HPSE2: variants seen among roughly 807,000 people sequenced by gnomAD.
HPSE2 encodes the protein inactive heparanase-2.
HPSE2 carries 38 observed loss-of-function variants against 60.5 expected under a neutral mutation model. The ratio of observed to expected loss-of-function variants is 0.63; its 90% CI spans 0.48 to 0.82. The LOEUF (loss-of-function observed/expected upper bound fraction) is 0.82, where lower values mean the gene tolerates loss of function less well. HPSE2 is among the 40% of genes least tolerant of loss of function. HPSE2 has a pLI of 0.00. For missense variants in HPSE2, 713 were observed against 740.4 expected, an observed-to-expected ratio of 0.96 and a Z score of 0.43; for synonymous variants, 295 against 293.2, an observed-to-expected ratio of 1.01 and a Z score of -0.06.
intron 8 of HPSE2, among the ~76,000 whole-genome samples, chr10:98,617,727 T>C (rs1405081802): frequency 6.6e-6 from 1 of 152,188 alleles, no homozygotes; most frequent in Non-Finnish European, 1.5e-5. Context: ...TAACCAAAGA[T>C]GCTACCCTGC....
At chr10:98,823,030 A>G (rs1951459928) in intron 3 of HPSE2, among the ~76,000 whole-genome samples, 2 of 152,182 alleles carry the variant, frequency 1.3e-5, no homozygotes, top group African/African-American at 4.8e-5. Flanking sequence ...ATAGGAGGCA[A>G]TGTGACAAAA....
At chr10:99,181,397 C>CAAAAAAAAAAAAAAAA (rs58049545) in intron 2 of HPSE2, among the ~76,000 whole-genome samples, 12 of 104,766 alleles carry the variant, frequency 1.1e-4, no homozygotes, top group African/African-American at 4.3e-4. Flanking sequence ...GACTCCGTCT[C>CAAAAAAAAAAAAAAAA]AAAAAAAAAA....
chr10:99,117,444 A>C (rs1243550651), intron 3 of HPSE2, among the ~76,000 whole-genome samples: 1 of 139,868 alleles, frequency 7.1e-6, no homozygotes, highest in Non-Finnish European at 1.6e-5. Flanking sequence ...AAAAAAAAAA[A>C]AAAAACTAAT....
At chr10:99,161,542 A>T (rs1846846638) in intron 2 of HPSE2, among the ~76,000 whole-genome samples, 1 of 152,204 alleles carries the variant, frequency 6.6e-6, no homozygotes, top group Non-Finnish European at 1.5e-5. Flanking sequence ...TGGTTTTCTA[A>T]GGCTGGGATG....
chr10:98,517,960 C>T (rs1942657173), intron 9 of HPSE2, among the ~76,000 whole-genome samples: 1 of 152,216 alleles, frequency 6.6e-6, no homozygotes, highest in Non-Finnish European at 1.5e-5. Flanking sequence ...TCCTTCAATG[C>T]TTGATTATTA....
intron 2 of HPSE2, among the ~76,000 whole-genome samples, chr10:99,167,464 G>A (rs1847128972): frequency 6.6e-6 from 1 of 152,198 alleles, no homozygotes; most frequent in Non-Finnish European, 1.5e-5. Context: ...AATGTAGCAA[G>A]GTTTATCTTT....
chr10:98,715,309 T>C (rs1948764603), intron 5 of HPSE2, among the ~76,000 whole-genome samples: 1 of 152,038 alleles, frequency 6.6e-6, no homozygotes. Context: ...TTCAAAATGA[T>C]CTTTTTGTAC....
intron 5 of HPSE2, among the ~76,000 whole-genome samples, chr10:98,719,861 C>G (rs1164757208): frequency 6.6e-6 from 1 of 151,834 alleles, no homozygotes; most frequent in Non-Finnish European, 1.5e-5. Context: ...ATTAGCCAGG[C>G]ATGGTGGCAC....
intron 2 of HPSE2, among the ~76,000 whole-genome samples, chr10:99,180,653 G>A (rs1589783828): frequency 1.3e-5 from 2 of 152,064 alleles, no homozygotes; most frequent in Admixed American, 6.6e-5. Context: ...GGGAGGCTGA[G>A]GTGGGTGGAT....
At chr10:98,752,183 T>C (rs1051048210) in intron 3 of HPSE2, among the ~76,000 whole-genome samples, 2 of 152,032 alleles carry the variant, frequency 1.3e-5, no homozygotes, top group African/African-American at 2.4e-5. Flanking sequence ...ATAAACACTA[T>C]TATGAAAAGG....
At chr10:99,011,817 C>A (rs1957024208) in intron 3 of HPSE2, among the ~76,000 whole-genome samples, 2 of 149,290 alleles carry the variant, frequency 1.3e-5, no homozygotes, top group African/African-American at 4.9e-5. Flanking sequence ...CAAGTTACTT[C>A]TTTGTACAAA....
At chr10:98,543,720 A>G (rs985215360) in intron 9 of HPSE2, among the ~76,000 whole-genome samples, 9 of 152,114 alleles carry the variant, frequency 5.9e-5, no homozygotes, top group Non-Finnish European at 5.9e-5. Flanking sequence ...CAAAGATCAA[A>G]AGAGACAAAG....
At chr10:99,301,936 C>T in the HPSE2 span, among the ~76,000 whole-genome samples, 1 of 151,644 alleles carries the variant, frequency 6.6e-6, no homozygotes, top group African/African-American at 2.4e-5. Context: ...ACCTTGTTAC[C>T]AAAGTTCATG....
Position 98,476,188 on chromosome 10 carries a change from T to C in HPSE2, c.1613+6448A>G, listed in dbSNP as rs1333118254. Among the ~76,000 whole-genome samples, 29 of 150,630 alleles carry C rather than the reference T, an allele frequency of 1.9e-4. No homozygotes were observed. The South Asian group carries it at 4.6e-3, about 24-fold the overall frequency. On this transcript the variant is annotated intron_variant, in intron 11 of 11. Transcript: ENST00000370552. Reference sequence around the variant, plus strand: ...GTCCTTTGTAGGGACATGGATGAAATTGGAAATCATCATTCTCAGTAAACT... The same window carrying C: ...GTCCTTTGTAGGGACATGGATGAAACTGGAAATCATCATTCTCAGTAAACT...
chr10:99,091,307 A>G (rs1464697606), intron 3 of HPSE2, among the ~76,000 whole-genome samples: 1 of 152,166 alleles, frequency 6.6e-6, no homozygotes, highest in East Asian at 1.9e-4. Flanking sequence ...TAGCACAGAG[A>G]AGTGTACCCA....
intron 5 of HPSE2, among the ~76,000 whole-genome samples, chr10:98,703,779 T>C (rs1314169439): frequency 2.6e-5 from 4 of 151,942 alleles, no homozygotes; most frequent in Non-Finnish European, 4.4e-5. Context: ...CTCAAAATAA[T>C]GAGCTATGTG....
the HPSE2 span, among the ~76,000 whole-genome samples, chr10:99,288,402 G>T: frequency 6.6e-6 from 1 of 151,966 alleles, no homozygotes; most frequent in Non-Finnish European, 1.5e-5. Flanking sequence ...AAGCAACTAG[G>T]TATCTTGAAG....
intron 3 of HPSE2, among the ~76,000 whole-genome samples, chr10:99,044,904 C>G (rs1313002443): frequency 1.3e-5 from 2 of 152,080 alleles, no homozygotes; most frequent in East Asian, 3.8e-4. Flanking sequence ...TTAAGACAAC[C>G]ACACAACAAT....
chr10:99,045,365 A>T (rs546557698), intron 3 of HPSE2, among the ~76,000 whole-genome samples: 34 of 152,200 alleles, frequency 2.2e-4, no homozygotes, highest in African/African-American at 7.0e-4. Flanking sequence ...ACAGTATAAG[A>T]GGAAATGCCT....
Sources: gnomAD v4.1 joint callset for allele counts (sites outside exome capture counted in the v4.1 genomes callset) on GRCh38, gnomAD v4.1.1 for gene constraint, MANE v1.5 for transcripts, NCBI Gene and HGNC (gene_info 2026-07-23, HGNC 2026-07-21) for gene names.